Variants in NOP9 observed in about 807,000 individuals in gnomAD.
The protein encoded by NOP9 is NOP9 nucleolar protein, also known as nucleolar protein 9.
A neutral mutation model predicts 63.0 loss-of-function variants in NOP9; 50 were observed. The ratio of observed to expected loss-of-function variants is 0.79; its 90% CI spans 0.63 to 1.00. NOP9 has a LOEUF of 1.00. Among genes scored for constraint, NOP9 ranks in the 50% least tolerant of loss-of-function variants. The pLI, the probability that NOP9 is intolerant of heterozygous loss-of-function variation, is 0.00. For synonymous variants in NOP9, 343 were observed against 332.8 expected (o/e 1.03, Z -0.33); for missense variants, 758 against 803.0 (o/e 0.94, Z 0.68).
upstream of NOP9, chr14:24,296,853 G>A (rs1190136985): frequency 6.2e-7 from 1 of 1,614,216 alleles, no homozygotes; most frequent in East Asian, 2.2e-5. Flanking sequence ...GCACACCACA[G>A]GCACACATTG....
At chr14:24,275,026 C>T in the NOP9 span, among the ~76,000 whole-genome samples, 2 of 150,784 alleles carry the variant, frequency 1.3e-5, no homozygotes, top group African/African-American at 2.4e-5. Flanking sequence ...GATTCTCCTG[C>T]CTCAGTCTCC....
At chr14:24,273,490 T>C in the NOP9 span, among the ~76,000 whole-genome samples, 1 of 152,224 alleles carries the variant, frequency 6.6e-6, no homozygotes, top group African/African-American at 2.4e-5. Flanking sequence ...GTGCTTTAAA[T>C]CTTTATATAT....
At chr14:24,295,782 C>T (rs926632076), upstream of NOP9, among the ~76,000 whole-genome samples, 3 of 152,214 alleles carry the variant, frequency 2.0e-5, no homozygotes, top group African/African-American at 7.2e-5. Context: ...AATCCTGCTT[C>T]CTTGGGATTG....
the NOP9 span, among the ~76,000 whole-genome samples, chr14:24,275,424 C>G: frequency 6.6e-6 from 1 of 152,216 alleles, no homozygotes; most frequent in African/African-American, 2.4e-5. Flanking sequence ...AGTCACACAT[C>G]TTCGAGATTC....
In NOP9 at chr14:24,308,727, C is replaced by T. The variant is rs2041597887; in HGVS notation, c.*3632C>T. 6.6e-6 allele frequency: 1 copy of T among 152,252 alleles called. No individual in the cohort carries two copies. The highest frequency in any genetic ancestry group is 2.4e-5 in the African/African-American group (1 of 41,452). The allele number at this position is 152,252 out of a possible 1,614,324, so 9.4% of individuals were successfully genotyped here. A position where few individuals can be genotyped will look rare whatever the true frequency, so the allele number is the denominator to read the frequency against. ...GCCGTGATGGACAGTTGCATGGAAGCTGAGACTCTCACTGACAGTGAAACC... is the reference window on the plus strand; with the variant it reads ...GCCGTGATGGACAGTTGCATGGAAGTTGAGACTCTCACTGACAGTGAAACC... On this transcript the variant is annotated 3_prime_UTR_variant, in exon 10 of 10. Coordinates refer to ENST00000267425, the MANE Select transcript of NOP9 (RefSeq NM_174913.3).
chr14:24,306,214 ACCCTC>A lies in NOP9; in HGVS notation c.*1122_*1126del. The A allele has an allele frequency of 6.5e-7, 1 of 1,542,274 alleles. No homozygotes were observed. Among genetic ancestry groups the A allele is most frequent in the Non-Finnish European group, 8.9e-7 (1 of 1,126,252 alleles). ...CTAATCTCCATCAGCACTGGGTCAGACCCTCCCTCGCTTGGACTTTCTGTCCACTG... is the reference window on the plus strand; with the variant it reads ...CTAATCTCCATCAGCACTGGGTCAGACCTCGCTTGGACTTTCTGTCCACTG... On this transcript the variant is annotated 3_prime_UTR_variant, in exon 10 of 10. Transcript: ENST00000267425.
chr14:24,299,638 G>C (rs920959757), upstream of NOP9: 1 of 324,230 alleles, frequency 3.1e-6, no homozygotes, highest in Non-Finnish European at 5.7e-6. Context: ...GGAAGTCTGG[G>C]TTCTCGCCCA....
chr14:24,300,087 G>A lies in NOP9; in HGVS notation c.133G>A (p.Gly45Arg), dbSNP rs745631280. ...GCGGCAACCCTGGCCGCCTCCGGAT[G>A]GGCGCTCGGAGCCGGCTCCAGATTC... is the stretch of plus-strand genomic sequence containing the variant. ...RKRQPWPPPD[G>R]RSEPAPDSHP... The change falls in exon 1 of 10, where the codon GGG becomes AGG. Residue 45 changes from glycine to arginine, a missense_variant. Gly to Arg is a moderately radical substitution (Grantham distance 125). Transcript: ENST00000267425. 6 of 1,613,090 alleles carry A rather than the reference G, an allele frequency of 3.7e-6. No homozygotes were observed. The highest frequency in any genetic ancestry group is 1.3e-5 in the African/African-American group (1 of 74,952).
At chr14:24,291,473 C>G in the NOP9 span, 18 of 1,456,316 alleles carry the variant, frequency 1.2e-5, no homozygotes, top group African/African-American at 2.5e-4. Context: ...CAACCAACTC[C>G]CGAGCCAGAT....
At chr14:24,304,797 G>T (rs2041449855) in intron 9 of NOP9, 141 bp from the exon 10 acceptor site, 1 of 1,068,844 alleles carries the variant, frequency 9.4e-7, no homozygotes. Context: ...CCTGCCCTCT[G>T]ACTTCTGTTC....
In NOP9 at chr14:24,300,757, A is replaced by G. The variant is rs2041360373; in HGVS notation, c.597A>G (p.Gly199=). The G allele has an allele frequency of 1.9e-6, 3 of 1,614,050 alleles. No individual in the cohort carries two copies. Among genetic ancestry groups the G allele is most frequent in the Admixed American group, 1.7e-5 (1 of 59,984 alleles). Residue 199 remains glycine, a synonymous_variant, in exon 2 of 10, where the codon GGA becomes GGG. Coordinates refer to ENST00000267425, the MANE Select transcript of NOP9 (RefSeq NM_174913.3). ...EVCDDFLVYC[G]DTHGSFVVRT... is the part of the protein sequence containing the mutation. ...GTGATGATTTTCTTGTCTACTGTGG[A>G]GACACACATGGCAGCTTCGTGGTCA...
chr14:24,306,066 A>C lies in NOP9; in HGVS notation c.*971A>C. The C allele has an allele frequency of 6.2e-7, 1 of 1,614,140 alleles. No individual in the cohort carries two copies. Among genetic ancestry groups the C allele is most frequent in the South Asian group, 1.1e-5 (1 of 91,076 alleles). ...CTCGAGGGTTTTGCTTGTACACGTC[A>C]AAGGTGAATCGGGCGATGTCCTTGC... On this transcript the variant is annotated 3_prime_UTR_variant, in exon 10 of 10. Coordinates refer to ENST00000267425, the MANE Select transcript of NOP9 (RefSeq NM_174913.3).
chr14:24,292,039 G>A, the NOP9 span: 2 of 1,050,710 alleles, frequency 1.9e-6, no homozygotes, highest in Non-Finnish European at 1.4e-6. Context: ...TCCCTTACAG[G>A]ATTAAAGGAA....
chr14:24,300,571 C>G lies in NOP9; in HGVS notation c.411C>G (p.Ala137=). ...TGCGCTCTAACTTGCGCACTGTGGC[C>G]TGTCACCGATGCGGGGTCCATGTAT... ...AALRSNLRTV[A]CHRCGVHVLQ... Residue 137 remains alanine, a synonymous_variant, in exon 2 of 10, where the codon GCC becomes GCG. Coordinates refer to ENST00000267425, the MANE Select transcript of NOP9 (RefSeq NM_174913.3). The G allele has an allele frequency of 1.2e-6, 2 of 1,614,228 alleles. No homozygotes were observed. Among genetic ancestry groups the G allele is most frequent in the Non-Finnish European group, 1.7e-6 (2 of 1,180,032 alleles).
chr14:24,279,873 A>G, the NOP9 span, among the ~76,000 whole-genome samples: 1 of 152,180 alleles, frequency 6.6e-6, no homozygotes, highest in Non-Finnish European at 1.5e-5. Context: ...CTGACGTTCT[A>G]TGTCAAGTGA....
chr14:24,298,218 T>TA (rs996802481), upstream of NOP9, among the ~76,000 whole-genome samples: 160 of 152,142 alleles, frequency 1.1e-3, no homozygotes, highest in African/African-American at 3.8e-3. Context: ...GCTAATTATT[T>TA]AAAAAATATT....
At chr14:24,289,269 A>G in the NOP9 span, among the ~76,000 whole-genome samples, 3 of 152,146 alleles carry the variant, frequency 2.0e-5, no homozygotes, top group Admixed American at 2.0e-4. Flanking sequence ...GGTGTGAGCC[A>G]CTGTGCCCGG....
At position 24,308,406 on chromosome 14, in the gene NOP9, GGA is replaced by G. The variant is rs376121443; in HGVS notation, c.*3315_*3316del. 177 of 174,976 alleles carry G rather than the reference GGA, an allele frequency of 1.0e-3. 1 individual carries two copies. Among genetic ancestry groups the G allele is most frequent in the African/African-American group, 4.1e-3 (171 of 42,164 alleles). 10.8% of individuals were successfully genotyped at this position (174,976 alleles called of 1,614,324 possible). ...GAGACTGTGTCCAGGAAGGGTGTAAGGAGAGGATGGATCCTGATACATGGATT... is the reference window on the plus strand; with the variant it reads ...GAGACTGTGTCCAGGAAGGGTGTAAGGAGGATGGATCCTGATACATGGATT... On this transcript the variant is annotated 3_prime_UTR_variant, in exon 10 of 10. Coordinates refer to ENST00000267425, the MANE Select transcript of NOP9 (RefSeq NM_174913.3).
chr14:24,301,981 G>C lies in NOP9; in HGVS notation c.825G>C (p.Lys275Asn), dbSNP rs1223678328. The C allele has an allele frequency of 1.9e-6, 3 of 1,613,810 alleles. No homozygotes were observed. The East Asian group carries it at 6.7e-5, about 36-fold the overall frequency. ...LKDIAVFITD[K>N]ISSFCLQVAL... ...TCTCCACAGTGTTTATCACTGATAA[G>C]ATCTCCAGCTTCTGTCTTCAAGTGG... Residue 275 changes from lysine to asparagine, a missense_variant, in exon 4 of 10, where the codon AAG (lysine) becomes AAC (asparagine). Transcript: ENST00000267425.
Sources: allele counts gnomAD v4.1 joint callset (sites outside exome capture counted in the v4.1 genomes callset), GRCh38; gene constraint gnomAD v4.1.1; transcripts MANE v1.5; gene names NCBI Gene and HGNC (gene_info 2026-07-23, HGNC 2026-07-21).